GRIK2: variants seen among roughly 807,000 people sequenced by gnomAD.
The protein encoded by GRIK2 is glutamate receptor ionotropic, kainate 2.
In GRIK2, 32 loss-of-function variants were observed where a neutral mutation model predicts 100.3. The ratio of observed to expected loss-of-function variants is 0.32; its 90% CI spans 0.24 to 0.43. GRIK2 has a LOEUF of 0.43. Ranked by LOEUF, GRIK2 falls within the 20% of genes least tolerant of loss-of-function variation. The probability of loss-of-function intolerance (pLI) is 1.00; values close to 1 mark genes in which losing one functional copy is unlikely to be tolerated. For synonymous variants in GRIK2, 417 were observed against 389.4 expected (o/e 1.07, Z -0.83); for missense variants, 843 against 1,114.9 (o/e 0.76, Z 3.47).
chr6:101,616,289 T>C (rs1225056579), intron 2 of GRIK2, among the ~76,000 whole-genome samples: 1 of 151,900 alleles, frequency 6.6e-6, no homozygotes, highest in Non-Finnish European at 1.5e-5. Context: ...TTTTGAAGAA[T>C]ATTCATTTTT....
At chr6:101,642,081 A>G (rs1250583550) in intron 4 of GRIK2, among the ~76,000 whole-genome samples, 1 of 151,922 alleles carries the variant, frequency 6.6e-6, no homozygotes, top group African/African-American at 2.4e-5. Flanking sequence ...CTCATTTAAT[A>G]TACATATATA....
intron 14 of GRIK2, among the ~76,000 whole-genome samples, chr6:101,958,283 G>GTGTGTGTGTGTGTGTGTGTGTGTGT (rs71028091): frequency 4.0e-5 from 6 of 150,754 alleles, no homozygotes; most frequent in Admixed American, 1.3e-4. Context: ...GTGTGTGTGT[G>GTGTGTGTGTGTGTGTGTGTGTGTGT]GGTCCATTGC....
intron 14 of GRIK2, among the ~76,000 whole-genome samples, chr6:101,970,188 C>A (rs960889702): frequency 3.3e-5 from 5 of 149,394 alleles, no homozygotes; most frequent in South Asian, 2.1e-4. Flanking sequence ...AAATCTAATG[C>A]CAAAGGGCCA....
chr6:101,538,019 G>C (rs747684716), intron 2 of GRIK2, among the ~76,000 whole-genome samples: 6 of 151,734 alleles, frequency 4.0e-5, no homozygotes, highest in Non-Finnish European at 1.5e-5. Context: ...TATTGCCATA[G>C]AAACAAGAAT....
At chr6:101,789,772 A>G (rs537007585) in intron 7 of GRIK2, among the ~76,000 whole-genome samples, 1 of 152,340 alleles carries the variant, frequency 6.6e-6, no homozygotes, top group South Asian at 2.1e-4. Flanking sequence ...TGGGAATGGC[A>G]TTGAATCTAT....
In GRIK2 at chr6:101,969,286, A is replaced by T. The variant is rs557432033; in HGVS notation, c.2085+40654A>T. 7.2e-5 allele frequency among the ~76,000 whole-genome samples: 11 copies of T among 152,158 alleles called. No homozygotes were observed. The South Asian group carries it at 2.3e-3, about 32-fold the overall frequency. ...AGAATGTAACACTTTTCCTTAAAAT[A>T]TGAATAGTGAAAGTATGCTAGAAGT... On this transcript the variant is annotated intron_variant, in intron 14 of 16. Transcript: ENST00000369134.
chr6:101,983,751 T>C (rs1793853863), intron 14 of GRIK2, among the ~76,000 whole-genome samples: 1 of 151,904 alleles, frequency 6.6e-6, no homozygotes, highest in African/African-American at 2.4e-5. Flanking sequence ...AAATACATTA[T>C]GTTTGAATAG....
chr6:101,745,901 G>T (rs1349207200), intron 7 of GRIK2, among the ~76,000 whole-genome samples: 2 of 152,132 alleles, frequency 1.3e-5, no homozygotes, highest in Admixed American at 1.3e-4. Context: ...ATGACTTAAA[G>T]CTTGAACTAA....
chr6:101,854,734 A>G (rs940740671), intron 10 of GRIK2, among the ~76,000 whole-genome samples: 2 of 152,180 alleles, frequency 1.3e-5, no homozygotes, highest in Non-Finnish European at 2.9e-5. Context: ...GAAGTAACTA[A>G]TTTATCAATA....
At chr6:101,899,116 T>A (rs1213594078) in intron 12 of GRIK2, among the ~76,000 whole-genome samples, 1 of 150,164 alleles carries the variant, frequency 6.7e-6, no homozygotes, top group Non-Finnish European at 1.5e-5. Context: ...TTTTTTTTTT[T>A]AAGAAAAAAT....
intron 10 of GRIK2, among the ~76,000 whole-genome samples, chr6:101,824,517 T>C (rs1006692349): frequency 5.9e-5 from 9 of 152,224 alleles, no homozygotes; most frequent in Non-Finnish European, 1.2e-4. Context: ...TGTCTGACTA[T>C]GTTGAGTGTT....
intron 4 of GRIK2, among the ~76,000 whole-genome samples, chr6:101,645,968 A>T (rs1030812758): frequency 1.3e-5 from 2 of 151,950 alleles, no homozygotes; most frequent in African/African-American, 2.4e-5. Flanking sequence ...GATAAATTCT[A>T]TCGCCACCTA....
chr6:101,442,744 C>T (rs1279575971), intron 2 of GRIK2, among the ~76,000 whole-genome samples: 3 of 152,056 alleles, frequency 2.0e-5, no homozygotes, highest in African/African-American at 4.8e-5. Context: ...TGAAAGTAGC[C>T]GTAGCCAATA....
At chr6:101,634,649 G>A (rs1780919771) in intron 4 of GRIK2, among the ~76,000 whole-genome samples, 1 of 152,038 alleles carries the variant, frequency 6.6e-6, no homozygotes, top group Non-Finnish European at 1.5e-5. Context: ...TAGGTGGGCA[G>A]CCATGGAGAT....
chr6:101,873,430 C>A (rs895695484), intron 11 of GRIK2, among the ~76,000 whole-genome samples: 9 of 151,694 alleles, frequency 5.9e-5, no homozygotes, highest in African/African-American at 1.5e-4. Flanking sequence ...TGAACTCATC[C>A]TTTTTTATGG....
chr6:101,427,474 G>T (rs2852523), intron 2 of GRIK2, among the ~76,000 whole-genome samples: 4,188 of 152,240 alleles, frequency 0.028, 115 homozygotes, highest in South Asian at 0.14. Flanking sequence ...TGAAGGCAGG[G>T]ACTATATACT....
At chr6:101,614,513 C>A (rs573751831) in intron 2 of GRIK2, among the ~76,000 whole-genome samples, 2 of 151,282 alleles carry the variant, frequency 1.3e-5, no homozygotes, top group African/African-American at 4.8e-5. Context: ...AAAATGATAC[C>A]CTAATGTCAT....
At chr6:101,736,634 A>G (rs948102805) in intron 7 of GRIK2, among the ~76,000 whole-genome samples, 12 of 152,116 alleles carry the variant, frequency 7.9e-5, no homozygotes, top group African/African-American at 2.9e-4. Flanking sequence ...TACACACAGC[A>G]TGGGGACCCT....
rs183649763 is a variant in GRIK2, at chr6:101,603,971, G to A, written c.116-17978G>A. ...ATTCAGAGTAGATTTTAGTGGTGAGGGGGTACTGTGCCCATATAACATGTA... is the reference window on the plus strand; with the variant it reads ...ATTCAGAGTAGATTTTAGTGGTGAGAGGGTACTGTGCCCATATAACATGTA... On this transcript the variant is annotated intron_variant, in intron 2 of 16. Coordinates refer to ENST00000369134, the MANE Select transcript of GRIK2 (RefSeq NM_021956.5). 6.1e-4 allele frequency among the ~76,000 whole-genome samples: 93 copies of A among 151,432 alleles called. 1 individual carries two copies. The highest frequency in any genetic ancestry group is 6.8e-3 in the Middle Eastern group (2 of 294).
Sources: gnomAD v4.1 joint callset for allele counts (sites outside exome capture counted in the v4.1 genomes callset) on GRCh38, gnomAD v4.1.1 for gene constraint, MANE v1.5 for transcripts, NCBI Gene and HGNC (gene_info 2026-07-23, HGNC 2026-07-21) for gene names.